The following PTK2 variants were observed in gnomAD, a reference collection of about 807,000 sequenced individuals.
The protein encoded by PTK2 is focal adhesion kinase 1.
PTK2 carries 45 observed loss-of-function variants against 150.1 expected under a neutral mutation model. That is an observed-to-expected ratio of 0.30 (90% CI 0.24 to 0.38). The LOEUF is 0.38. Among genes scored for constraint, PTK2 ranks in the 10% least tolerant of loss-of-function variants. The pLI, the probability that PTK2 is intolerant of heterozygous loss-of-function variation, is 1.00. For synonymous variants in PTK2, 432 were observed against 449.2 expected (o/e 0.96, Z 0.48); for missense variants, 919 against 1,307.3 (o/e 0.70, Z 4.58).
chr8:140,800,305 T>C (rs2100094221), intron 12 of PTK2, among the ~76,000 whole-genome samples, 154 bp downstream of exon 12: 1 of 152,186 alleles, frequency 6.6e-6, no homozygotes, highest in Admixed American at 6.5e-5. Flanking sequence ...TCACCATCCC[T>C]AGAAAAATAA....
chr8:140,912,860 A>G (rs544955142), intron 2 of PTK2, among the ~76,000 whole-genome samples: 6 of 152,046 alleles, frequency 3.9e-5, no homozygotes, highest in Non-Finnish European at 8.8e-5. Flanking sequence ...GCAGGAGAAT[A>G]GCTTGAACCT....
At chr8:140,982,762 G>A (rs182170352) in intron 1 of PTK2, among the ~76,000 whole-genome samples, 13 of 152,268 alleles carry the variant, frequency 8.5e-5, no homozygotes, top group East Asian at 5.8e-4. Context: ...CAATGTTAGC[G>A]TACGTTTTCA....
At chr8:140,952,607 G>A (rs1032556723) in intron 1 of PTK2, among the ~76,000 whole-genome samples, 3 of 152,140 alleles carry the variant, frequency 2.0e-5, no homozygotes, top group Non-Finnish European at 2.9e-5. Flanking sequence ...AAACACTTGC[G>A]AAAGTCAAAT....
chr8:140,820,119 A>T (rs28441539), intron 8 of PTK2, among the ~76,000 whole-genome samples: 22,017 of 43,164 alleles, frequency 0.51, 5,399 homozygotes, highest in African/African-American at 0.68. Context: ...TTTTTTTTTT[A>T]AATAGGGTCT....
At chr8:140,986,004 G>A (rs1171672855) in intron 1 of PTK2, among the ~76,000 whole-genome samples, 1 of 152,130 alleles carries the variant, frequency 6.6e-6, no homozygotes, top group African/African-American at 2.4e-5. Flanking sequence ...AAACAGCAAG[G>A]ATACCCATAT....
intron 23 of PTK2, among the ~76,000 whole-genome samples, chr8:140,708,164 T>C (rs1017071559): frequency 2.0e-5 from 3 of 152,116 alleles, no homozygotes; most frequent in African/African-American, 4.8e-5. Context: ...TAAAAGGAAA[T>C]AGATTTAAGT....
chr8:140,940,380 C>G (rs1054939716), intron 1 of PTK2, among the ~76,000 whole-genome samples: 13 of 151,898 alleles, frequency 8.6e-5, no homozygotes, highest in Non-Finnish European at 5.9e-5. Flanking sequence ...ACCCGGGAAA[C>G]GGAGCTTGCA....
intron 1 of PTK2, among the ~76,000 whole-genome samples, chr8:140,960,767 A>G (rs1189563333): frequency 2.0e-5 from 3 of 152,062 alleles, no homozygotes; most frequent in Non-Finnish European, 2.9e-5. Flanking sequence ...AGATCACCTG[A>G]GGTCAGGAGT....
At chr8:140,870,980 G>C (rs1201672782) in intron 4 of PTK2, among the ~76,000 whole-genome samples, 1 of 151,956 alleles carries the variant, frequency 6.6e-6, no homozygotes, top group Non-Finnish European at 1.5e-5. Context: ...GGGTGGGGTG[G>C]TGGGCTCCTA....
intron 31 of PTK2, chr8:140,662,916 A>T: frequency 2.4e-6 from 1 of 409,642 alleles, no homozygotes; most frequent in East Asian, 3.5e-5. Flanking sequence ...AATGTCATGA[A>T]AGATAAAAAA....
In PTK2 at chr8:140,810,632, C is replaced by T. The variant is rs79927091; in HGVS notation, c.868-6982G>A. Among the ~76,000 whole-genome samples, 299 of 152,290 alleles carry T rather than the reference C, an allele frequency of 2.0e-3. 5 individuals carry two copies. In the East Asian group the frequency reaches 0.049, roughly 25 times the overall value. On this transcript the variant is annotated intron_variant, in intron 10 of 31. Transcript: ENST00000522684. ...ACAGAGTTTTGCTGGCACCTGTGTA[C>T]GCAGGCAGGTATTGCCTTCCGTGCC...
rs183850041 is a variant in PTK2 at position 140,735,603 on chromosome 8, A to C, written c.1826-148T>G. 550 of 645,030 alleles carry C rather than the reference A, an allele frequency of 8.5e-4. 2 individuals are homozygous for C. The highest frequency in any genetic ancestry group is 1.2e-3 in the Non-Finnish European group (424 of 363,804). The allele number at this position is 645,030 out of a possible 1,614,324, so 40.0% of individuals were successfully genotyped here. ...ACCAAAGCAGCATTATATTAACTCT[A>C]GTATAAAATAACCTAACGATTTAAC... On this transcript the variant is annotated intron_variant, in intron 21 of 31. Transcript: ENST00000522684.
At chr8:140,735,605 T>C in intron 21 of PTK2, 150 bp from the exon 25 acceptor site, 2 of 644,204 alleles carry the variant, frequency 3.1e-6, no homozygotes, top group South Asian at 3.8e-5. Context: ...TTAACTCTAG[T>C]ATAAAATAAC....
At chr8:140,852,185 CA>C (rs2100129709) in intron 5 of PTK2, among the ~76,000 whole-genome samples, 1 of 152,168 alleles carries the variant, frequency 6.6e-6, no homozygotes, top group African/African-American at 2.4e-5. Flanking sequence ...GTGGTGGATA[CA>C]ACGGTGAAGA....
chr8:140,944,262 T>C (rs1201193564), intron 1 of PTK2, among the ~76,000 whole-genome samples: 1 of 152,172 alleles, frequency 6.6e-6, no homozygotes, highest in African/African-American at 2.4e-5. Flanking sequence ...ATTAAGAAAT[T>C]TGCAAGGCTT....
chr8:140,760,750 C>G (rs887807859), intron 16 of PTK2, among the ~76,000 whole-genome samples: 1 of 152,164 alleles, frequency 6.6e-6, no homozygotes, highest in African/African-American at 2.4e-5. Flanking sequence ...CTTCATTAAG[C>G]TATTATTAAA....
intron 4 of PTK2, among the ~76,000 whole-genome samples, chr8:140,876,417 T>C (rs2100145557): frequency 6.6e-6 from 1 of 152,244 alleles, no homozygotes. Flanking sequence ...TCTATTATTG[T>C]TGTTGAAAAG....
intron 10 of PTK2, among the ~76,000 whole-genome samples, chr8:140,813,770 C>T (rs559161680): frequency 1.6e-4 from 24 of 151,614 alleles, no homozygotes; most frequent in Non-Finnish European, 2.6e-4. Flanking sequence ...AGCAAACCAA[C>T]CCCAAAACTA....
rs144775049 is a variant in PTK2, at chr8:140,884,205, A to G, written c.196-4568T>C. 3.4e-3 allele frequency among the ~76,000 whole-genome samples: 515 copies of G among 152,290 alleles called. 4 individuals carry two copies. Among genetic ancestry groups the G allele is most frequent in the Non-Finnish European group, 5.8e-3 (392 of 68,022 alleles). ...GATGTAGGCATCTTTAGGAGCCAAC[A>G]TTCTACCTATGGGAAATCACTACCT... On this transcript the variant is annotated intron_variant, in intron 3 of 31. Coordinates refer to ENST00000522684, the Ensembl canonical transcript of PTK2.
Sources: gnomAD v4.1 joint callset for allele counts (sites outside exome capture counted in the v4.1 genomes callset) on GRCh38, gnomAD v4.1.1 for gene constraint, MANE v1.5 for transcripts, NCBI Gene and HGNC (gene_info 2026-07-23, HGNC 2026-07-21) for gene names.